The following PNLIPRP3 variants were observed in gnomAD, a reference collection of about 807,000 sequenced individuals.
PNLIPRP3 encodes pancreatic lipase related protein 3.
A neutral mutation model predicts 52.8 loss-of-function variants in PNLIPRP3; 58 were observed. That is an observed-to-expected ratio of 1.10 (90% CI 0.89 to 1.37). The LOEUF (loss-of-function observed/expected upper bound fraction) is 1.37. PNLIPRP3 is among the 40% of genes most tolerant of loss of function. PNLIPRP3 has a pLI of 0.00. For missense variants in PNLIPRP3, 593 were observed against 561.6 expected, an observed-to-expected ratio of 1.06 and a Z score of -0.57; for synonymous variants, 192 against 185.0, an observed-to-expected ratio of 1.04 and a Z score of -0.31.
At chr10:116,451,266 C>T (rs1846033616) in intron 4 of PNLIPRP3, among the ~76,000 whole-genome samples, 1 of 152,170 alleles carries the variant, frequency 6.6e-6, no homozygotes, top group East Asian at 1.9e-4. Context: ...TATATACACA[C>T]ACACACAAAT....
intron 8 of PNLIPRP3, among the ~76,000 whole-genome samples, chr10:116,468,304 G>A (rs980998060): frequency 4.0e-5 from 6 of 151,820 alleles, no homozygotes; most frequent in Admixed American, 2.0e-4. Context: ...AATGTCTATC[G>A]ATTGCTAAAG....
intron 9 of PNLIPRP3, among the ~76,000 whole-genome samples, chr10:116,470,759 C>G (rs1173205112): frequency 2.0e-5 from 3 of 152,150 alleles, no homozygotes; most frequent in Admixed American, 2.0e-4. Context: ...CTGACCGCCT[C>G]GGACTCCCAA....
intron 4 of PNLIPRP3, among the ~76,000 whole-genome samples, chr10:116,451,683 C>T (rs1846039607): frequency 6.6e-6 from 1 of 152,176 alleles, no homozygotes; most frequent in Non-Finnish European, 1.5e-5. Flanking sequence ...CCAGTCCCAC[C>T]TTTGCCTTCC....
chr10:116,451,854 G>C (rs912594832), intron 4 of PNLIPRP3, among the ~76,000 whole-genome samples: 12 of 151,870 alleles, frequency 7.9e-5, no homozygotes, highest in African/African-American at 2.9e-4. Context: ...AAAAAAATTA[G>C]TAAAAAGGAG....
chr10:116,455,717 T>C lies in PNLIPRP3; in HGVS notation c.457-5T>C. ...AATACTTATTCTGTTAAACAATTCT[T>C]TCAGAAAAAATTTGAATATTCCCCT... On this transcript the variant is annotated splice_region_variant and splice_polypyrimidine_tract_variant and intron_variant, in intron 4 of 11. Transcript: ENST00000369230. 6.2e-7 allele frequency: 1 copy of C among 1,606,954 alleles called. No homozygotes were observed. Among genetic ancestry groups the C allele is most frequent in the Non-Finnish European group, 8.5e-7 (1 of 1,173,792 alleles).
intron 7 of PNLIPRP3, among the ~76,000 whole-genome samples, chr10:116,465,089 A>T (rs1001987267): frequency 2.0e-5 from 3 of 152,184 alleles, no homozygotes; most frequent in Admixed American, 1.3e-4. Context: ...ATGAGAGGGG[A>T]ACCCAAAGTG....
At chr10:116,442,527 A>AT (rs1564694893) in intron 2 of PNLIPRP3, among the ~76,000 whole-genome samples, 1 of 152,104 alleles carries the variant, frequency 6.6e-6, no homozygotes, top group Non-Finnish European at 1.5e-5. Context: ...AAAATCAAAG[A>AT]TTTTTTCCTC....
intron 10 of PNLIPRP3, among the ~76,000 whole-genome samples, chr10:116,472,932 C>A (rs1846398520): frequency 6.6e-6 from 1 of 152,230 alleles, no homozygotes; most frequent in Admixed American, 6.5e-5. Flanking sequence ...CTTCATGGCT[C>A]CATCAAGCCT....
At chr10:116,445,467 C>G (rs1448252448) in intron 4 of PNLIPRP3, among the ~76,000 whole-genome samples, 2 of 151,996 alleles carry the variant, frequency 1.3e-5, no homozygotes, top group Non-Finnish European at 2.9e-5. Context: ...TCTATCTTCT[C>G]TTTCCACTCT....
chr10:116,438,764 T>C (rs10885935), intron 2 of PNLIPRP3, among the ~76,000 whole-genome samples: 16,953 of 152,122 alleles, frequency 0.11, 1,261 homozygotes, highest in Admixed American at 0.24. Context: ...TATATGAGTT[T>C]GACCAATTCT....
chr10:116,439,530 T>G (rs1011823572), intron 2 of PNLIPRP3: 10 of 815,538 alleles, frequency 1.2e-5, no homozygotes, highest in Admixed American at 9.0e-5. Context: ...CCGGGCAACT[T>G]TAGCAGGACG....
intron 5 of PNLIPRP3, among the ~76,000 whole-genome samples, chr10:116,458,874 A>G (rs1383935385): frequency 6.6e-6 from 1 of 152,208 alleles, no homozygotes; most frequent in East Asian, 1.9e-4. Flanking sequence ...TCCAAGCTCC[A>G]CAAAGTTGAA....
chr10:116,465,322 G>A (rs868006365), intron 7 of PNLIPRP3, among the ~76,000 whole-genome samples: 2 of 152,216 alleles, frequency 1.3e-5, no homozygotes, highest in Admixed American at 6.5e-5. Context: ...GGTGGATCAC[G>A]AGGTCAGATC....
chr10:116,449,584 T>C (rs1209489211), intron 4 of PNLIPRP3, among the ~76,000 whole-genome samples: 5 of 152,114 alleles, frequency 3.3e-5, no homozygotes, highest in East Asian at 3.9e-4. Flanking sequence ...TACCTAAATA[T>C]ATAAAGCAAA....
intron 4 of PNLIPRP3, among the ~76,000 whole-genome samples, chr10:116,447,868 C>T (rs1255201719): frequency 2.0e-5 from 3 of 150,704 alleles, no homozygotes; most frequent in Admixed American, 6.6e-5. Context: ...ACCTGGGAGG[C>T]GGAGGTTGCA....
chr10:116,429,448 G>A (rs959168813), intron 1 of PNLIPRP3, among the ~76,000 whole-genome samples: 4 of 152,198 alleles, frequency 2.6e-5, no homozygotes, highest in African/African-American at 9.6e-5. Context: ...ATCAATAAAT[G>A]TTCGCTCTTA....
In PNLIPRP3 at chr10:116,443,163, G is replaced by A. The variant is rs1845882510; in HGVS notation, c.313G>A (p.Asp105Asn). 1 of 1,610,390 alleles carries A rather than the reference G, an allele frequency of 6.2e-7. No homozygotes were observed. The highest frequency in any genetic ancestry group is 8.5e-7 in the Non-Finnish European group (1 of 1,177,906). ...GAAAACAGATGGCAAATGGCAGAGA[G>A]ACATGTGCAATGTATGACATGAATA... ...GWKTDGKWQR[D>N]MCNVLLQLED... is the part of the protein sequence containing the mutation. The change falls in exon 3 of 12, where the codon GAC (aspartate) becomes AAC (asparagine). Residue 105 changes from aspartate to asparagine, a missense_variant. Asp to Asn is a conservative substitution (Grantham distance 23, BLOSUM62 1). Coordinates refer to ENST00000369230, the MANE Select transcript of PNLIPRP3 (RefSeq NM_001011709.3).
In PNLIPRP3 at chr10:116,461,162, T is replaced by G. The variant is rs760638424; in HGVS notation, c.686-6T>G. On this transcript the variant is annotated splice_region_variant and splice_polypyrimidine_tract_variant and intron_variant, in intron 6 of 11. Coordinates refer to ENST00000369230, the MANE Select transcript of PNLIPRP3 (RefSeq NM_001011709.3). ...GAGGCATTTACCCTGTTTTTATTTATTTCAGGTGTTGGAACCATTGATGCT... is the reference window on the plus strand; with the variant it reads ...GAGGCATTTACCCTGTTTTTATTTAGTTCAGGTGTTGGAACCATTGATGCT... 8 of 1,614,096 alleles carry G rather than the reference T, an allele frequency of 5.0e-6. No homozygotes were observed. Among genetic ancestry groups the G allele is most frequent in the Admixed American group, 1.7e-5 (1 of 60,002 alleles).
rs1846488387 is a variant in PNLIPRP3, at chr10:116,477,280, A to C, written c.*127A>C. On this transcript the variant is annotated 3_prime_UTR_variant, in exon 12 of 12. Coordinates refer to ENST00000369230, the MANE Select transcript of PNLIPRP3 (RefSeq NM_001011709.3). ...AGTCATTTACAAGGGTCTTACTCAG[A>C]GTCAAGTACGGGTTTGCTTTTTTTC... 1.5e-6 allele frequency: 1 copy of C among 655,010 alleles called. No homozygotes were observed. Among genetic ancestry groups the C allele is most frequent in the Non-Finnish European group, 2.5e-6 (1 of 402,678 alleles). 40.6% of individuals were successfully genotyped at this position (655,010 alleles called of 1,614,324 possible). A position where few individuals can be genotyped will look rare whatever the true frequency, so the allele number is the denominator to read the frequency against.
Sources: allele counts gnomAD v4.1 joint callset (sites outside exome capture counted in the v4.1 genomes callset), GRCh38; gene constraint gnomAD v4.1.1; transcripts MANE v1.5; gene names NCBI Gene and HGNC (gene_info 2026-07-23, HGNC 2026-07-21).